Variants in NRXN1 observed in about 807,000 individuals in gnomAD.
NRXN1 encodes the protein neurexin-1.
In NRXN1, 39 loss-of-function variants were observed where a neutral mutation model predicts 150.9. The observed-to-expected ratio is 0.26, with a 90% CI of 0.20 to 0.34. NRXN1 has a LOEUF of 0.34. Among genes scored for constraint, NRXN1 ranks in the 10% least tolerant of loss-of-function variants. The pLI is 1.00. For synonymous variants in NRXN1, 924 were observed against 757.0 expected (o/e 1.22, Z -3.62); for missense variants, 1,815 against 1,949.9 (o/e 0.93, Z 1.30).
At chr2:50,567,376 T>C (rs10203712) in intron 8 of NRXN1, among the ~76,000 whole-genome samples, 26,708 of 151,996 alleles carry the variant, frequency 0.18, 2,521 homozygotes, top group East Asian at 0.37. Flanking sequence ...ACCATTTTTT[T>C]CATTGTAACT....
At chr2:50,817,580 T>C (rs1405917155) in intron 5 of NRXN1, among the ~76,000 whole-genome samples, 6 of 152,200 alleles carry the variant, frequency 3.9e-5, no homozygotes, top group Admixed American at 1.3e-4. Flanking sequence ...CCAATATCCC[T>C]AGTGAACACA....
intron 17 of NRXN1, among the ~76,000 whole-genome samples, chr2:50,281,955 A>G (rs1297682171): frequency 6.6e-6 from 1 of 152,168 alleles, no homozygotes; most frequent in Non-Finnish European, 1.5e-5. Context: ...AAAAAATTTT[A>G]TTAATATTGA....
At chr2:50,188,935 C>T (rs2061267352) in intron 18 of NRXN1, among the ~76,000 whole-genome samples, 1 of 152,134 alleles carries the variant, frequency 6.6e-6, no homozygotes, top group Non-Finnish European at 1.5e-5. Flanking sequence ...TAAATTAGTT[C>T]AACCATTGTG....
intron 21 of NRXN1, chr2:50,019,220 C>T (rs1344621279): frequency 4.2e-6 from 2 of 471,426 alleles, no homozygotes; most frequent in East Asian, 1.4e-4. Flanking sequence ...TAGTCATTCT[C>T]TCAGTTTAGT....
chr2:50,567,397 A>C (rs182605169), intron 8 of NRXN1, among the ~76,000 whole-genome samples: 1 of 152,176 alleles, frequency 6.6e-6, no homozygotes, highest in Non-Finnish European at 1.5e-5. Flanking sequence ...GATGAAGCCC[A>C]AAACAGCAGG....
intron 8 of NRXN1, among the ~76,000 whole-genome samples, chr2:50,560,493 T>C (rs966083058): frequency 6.6e-6 from 1 of 151,222 alleles, no homozygotes; most frequent in Non-Finnish European, 1.5e-5. Flanking sequence ...CAGGCTGGAG[T>C]GCAATAATGC....
chr2:50,458,582 AT>A (rs56386052), intron 17 of NRXN1, among the ~76,000 whole-genome samples: 32,646 of 146,552 alleles, frequency 0.22, 3,903 homozygotes, highest in East Asian at 0.51. Flanking sequence ...TGTATTCATA[AT>A]TTTTTTTTTT....
chr2:50,219,125 T>C (rs2063611530), intron 18 of NRXN1, among the ~76,000 whole-genome samples: 1 of 152,044 alleles, frequency 6.6e-6, no homozygotes, highest in Non-Finnish European at 1.5e-5. Context: ...TTCATTATAT[T>C]CAAACAGGCT....
intron 21 of NRXN1, among the ~76,000 whole-genome samples, chr2:50,047,144 G>C (rs1691934906): frequency 6.6e-6 from 1 of 152,054 alleles, no homozygotes; most frequent in South Asian, 2.1e-4. Flanking sequence ...AGGAGGTGAT[G>C]AGATTCTGAA....
intron 5 of NRXN1, among the ~76,000 whole-genome samples, chr2:50,685,992 G>T (rs190037188): frequency 9.2e-4 from 140 of 152,154 alleles, no homozygotes; most frequent in African/African-American, 3.3e-3. Flanking sequence ...TTTCTCTAAA[G>T]TATAATTTCA....
Position 51,027,852 on chromosome 2 carries a change from T to G in NRXN1, c.422A>C (p.Lys141Thr). 6.2e-7 allele frequency: 1 copy of G among 1,613,216 alleles called. No individual in the cohort carries two copies. The change falls in exon 2 of 23, where the codon AAG becomes ACG. Residue 141 changes from lysine (K) to threonine (T), a missense_variant. By Grantham distance (78) the Lys-to-Thr change is moderately conservative (BLOSUM62 -1). Transcript: ENST00000401669. Reference sequence around the variant, plus strand: ...CACCGTCATGTCCCTGCGCTTGGACTTGACCTCCACCCACTTGGCCTCCAC... The same window carrying G: ...CACCGTCATGTCCCTGCGCTTGGACGTGACCTCCACCCACTTGGCCTCCAC... ...DQVEAKWVEVKSKRRDMTVFS... is the reference protein window; with the variant it reads ...DQVEAKWVEVTSKRRDMTVFS...
intron 21 of NRXN1, among the ~76,000 whole-genome samples, chr2:49,992,822 C>A (rs547043029): frequency 6.6e-6 from 1 of 152,282 alleles, no homozygotes; most frequent in East Asian, 1.9e-4. Context: ...CCACATTATA[C>A]ACCATCAGGG....
intron 2 of NRXN1, among the ~76,000 whole-genome samples, chr2:50,999,540 T>C (rs1031506094): frequency 2.6e-5 from 4 of 152,018 alleles, no homozygotes; most frequent in African/African-American, 9.7e-5. Context: ...ACATGTGATG[T>C]CTCCCCCAGG....
chr2:50,704,605 T>C (rs993861605), intron 5 of NRXN1, among the ~76,000 whole-genome samples: 5 of 151,646 alleles, frequency 3.3e-5, no homozygotes, highest in Non-Finnish European at 7.4e-5. Context: ...TTTTTTAACA[T>C]TGTTAGTCTT....
At position 50,122,481 on chromosome 2, in the gene NRXN1, AT is replaced by A. The variant is rs564528535; in HGVS notation, c.3547-30988del. ...TATATGGGAGAGATCACAAAAGTGC[AT>A]GGTAACCCTATCCCCACTTGCTGTT... On this transcript the variant is annotated intron_variant, in intron 18 of 22. Transcript: ENST00000401669. Among the ~76,000 whole-genome samples the A allele has an allele frequency of 4.5e-3, 692 of 152,350 alleles. 8 individuals are homozygous for A. The highest frequency in any genetic ancestry group is 4.7e-3 in the Non-Finnish European group (318 of 68,032).
intron 17 of NRXN1, among the ~76,000 whole-genome samples, chr2:50,311,031 A>G (rs991542743): frequency 5.9e-5 from 9 of 152,180 alleles, no homozygotes; most frequent in African/African-American, 2.2e-4. Context: ...CATGACTATT[A>G]AAACTTTAGA....
At chr2:51,011,248 CTCT>C (rs748978205) in intron 2 of NRXN1, among the ~76,000 whole-genome samples, 1 of 151,950 alleles carries the variant, frequency 6.6e-6, no homozygotes. Flanking sequence ...CGACAATATT[CTCT>C]TCTTAATATC....
intron 18 of NRXN1, among the ~76,000 whole-genome samples, chr2:50,198,499 G>A (rs1034492033): frequency 1.3e-5 from 2 of 151,952 alleles, no homozygotes; most frequent in African/African-American, 2.4e-5. Flanking sequence ...CCAACCTCTC[G>A]AATGCCCATA....
intron 18 of NRXN1, among the ~76,000 whole-genome samples, chr2:50,137,778 T>A (rs887025242): frequency 2.6e-5 from 4 of 152,190 alleles, no homozygotes; most frequent in African/African-American, 7.2e-5. Context: ...GTTTGTGAAA[T>A]AATGCTTGAA....
Sources: allele counts gnomAD v4.1 joint callset (sites outside exome capture counted in the v4.1 genomes callset), GRCh38; gene constraint gnomAD v4.1.1; transcripts MANE v1.5; gene names NCBI Gene and HGNC (gene_info 2026-07-23, HGNC 2026-07-21).